The following PDZRN4 variants were observed in gnomAD, a reference collection of about 807,000 sequenced individuals.
PDZRN4 encodes PDZ domain containing ring finger 4.
Under a neutral mutation model 99.0 loss-of-function variants are expected in PDZRN4, and 70 were observed. The ratio of observed to expected loss-of-function variants is 0.71; its 90% confidence interval spans 0.58 to 0.86. The LOEUF is 0.86. Among genes scored for constraint, PDZRN4 ranks in the 40% least tolerant of loss-of-function variants. The pLI is 0.00. For missense variants in PDZRN4, 1,474 were observed against 1,331.2 expected, an observed-to-expected ratio of 1.11 and a Z score of -1.67; for synonymous variants, 551 against 501.6, an observed-to-expected ratio of 1.10 and a Z score of -1.32.
At chr12:41,339,705 T>G (rs1951802357) in intron 3 of PDZRN4, among the ~76,000 whole-genome samples, 1 of 151,966 alleles carries the variant, frequency 6.6e-6, no homozygotes, top group South Asian at 2.1e-4. Context: ...GAATATGTAA[T>G]GCACTCAAAC....
Position 41,411,067 on chromosome 12 carries a change from A to ATATAT in PDZRN4, c.844-95388_844-95387insATATT, listed in dbSNP as rs34064559. Among the ~76,000 whole-genome samples the ATATAT allele has an allele frequency of 2.8e-5, 4 of 140,434 alleles. No individual in the cohort carries two copies. In the East Asian group the frequency reaches 6.3e-4, roughly 22 times the overall value. The allele number at this position is 140,434 out of a possible 152,430, so 92.1% of individuals were successfully genotyped here. On this transcript the variant is annotated intron_variant, in intron 3 of 9. Coordinates refer to ENST00000402685, the MANE Select transcript of PDZRN4 (RefSeq NM_001164595.2). Reference sequence around the variant, plus strand: ...CTTTAAAATATATATATATATATATATTTTTTTTTTATTTGTAAAGATAGT... The same window carrying ATATAT: ...CTTTAAAATATATATATATATATATATATATTTTTTTTTTTATTTGTAAAGATAGT...
chr12:41,513,203 C>T lies in PDZRN4; in HGVS notation c.1203+3290C>T, dbSNP rs17129426. Among the ~76,000 whole-genome samples, 1,077 of 152,128 alleles carry T rather than the reference C, an allele frequency of 7.1e-3. 14 individuals carry two copies. Among genetic ancestry groups the T allele is most frequent in the African/African-American group, 0.024 (1,002 of 41,522 alleles). ...ATATTATTTCACTGATGGACTGTAA[C>T]AGGTCCCTTCAGAGCCACGGCAGAC... On this transcript the variant is annotated intron_variant, in intron 5 of 9. Transcript: ENST00000402685.
At chr12:41,253,319 T>C (rs922158533) in intron 3 of PDZRN4, among the ~76,000 whole-genome samples, 4 of 152,202 alleles carry the variant, frequency 2.6e-5, no homozygotes, top group African/African-American at 9.7e-5. Flanking sequence ...GAATTAATCT[T>C]TAACCCATTT....
intron 3 of PDZRN4, among the ~76,000 whole-genome samples, chr12:41,276,792 C>A (rs1201887606): frequency 6.6e-6 from 1 of 152,102 alleles, no homozygotes; most frequent in African/African-American, 2.4e-5. Context: ...AAGCAAAGTG[C>A]CAGGCAGGAA....
At chr12:41,197,925 T>G (rs1254639143) in intron 3 of PDZRN4, among the ~76,000 whole-genome samples, 1 of 135,042 alleles carries the variant, frequency 7.4e-6, no homozygotes, top group Non-Finnish European at 1.6e-5. Context: ...TCTGGGTTTT[T>G]TTTTTTGGAG....
At position 41,477,987 on chromosome 12, in the gene PDZRN4, C is replaced by T; in HGVS notation, c.844-28469C>T. The T allele has an allele frequency of 3.0e-6, 3 of 986,472 alleles. No homozygotes were observed. In the South Asian group the frequency reaches 4.1e-5, roughly 14 times the overall value. The allele number at this position is 986,472 out of a possible 1,614,324, so 61.1% of individuals were successfully genotyped here. Reference sequence around the variant, plus strand: ...GCTTATCAGTGAGCGAATTAATCTACATGATATAGATAAGAGGACAAATGT... The same window carrying T: ...GCTTATCAGTGAGCGAATTAATCTATATGATATAGATAAGAGGACAAATGT... On this transcript the variant is annotated intron_variant, in intron 3 of 9. Coordinates refer to ENST00000402685, the MANE Select transcript of PDZRN4 (RefSeq NM_001164595.2).
intron 5 of PDZRN4, among the ~76,000 whole-genome samples, chr12:41,535,242 G>A (rs2120750774): frequency 6.6e-6 from 1 of 152,218 alleles, no homozygotes; most frequent in South Asian, 2.1e-4. Flanking sequence ...ATGATGCGTT[G>A]TTTCTTTGTG....
At position 41,573,373 on chromosome 12, in the gene PDZRN4, A is replaced by T. The variant is rs759016632; in HGVS notation, c.2594A>T (p.Tyr865Phe). The change falls in exon 10 of 10, where the codon TAT (tyrosine) becomes TTT (phenylalanine). Residue 865 changes from tyrosine to phenylalanine, a missense_variant. Transcript: ENST00000402685. Reference sequence around the variant, plus strand: ...ATTCAACAGAAATCTGCAGTCGAGTATGCTCAGAGTCAGCTCAGCTTGGTG... The same window carrying T: ...ATTCAACAGAAATCTGCAGTCGAGTTTGCTCAGAGTCAGCTCAGCTTGGTG... ...QLIQQKSAVEYAQSQLSLVSM... is the reference protein window; with the variant it reads ...QLIQQKSAVEFAQSQLSLVSM... 3.1e-6 allele frequency: 5 copies of T among 1,613,476 alleles called. No homozygotes were observed. The Admixed American group carries it at 8.3e-5, about 27-fold the overall frequency.
At chr12:41,414,352 T>C (rs965386237) in intron 3 of PDZRN4, among the ~76,000 whole-genome samples, 1 of 152,200 alleles carries the variant, frequency 6.6e-6, no homozygotes, top group Non-Finnish European at 1.5e-5. Flanking sequence ...TCTGGATGTC[T>C]ACTTCTCTAG....
At chr12:41,460,428 TTATAAAC>T (rs1952860615) in intron 3 of PDZRN4, among the ~76,000 whole-genome samples, 1 of 152,184 alleles carries the variant, frequency 6.6e-6, no homozygotes. Context: ...TGTGTTCAAC[TTATAAAC>T]TGAGTCTGGA....
chr12:41,352,495 G>A (rs1222154623), intron 3 of PDZRN4, among the ~76,000 whole-genome samples: 1 of 152,032 alleles, frequency 6.6e-6, no homozygotes, highest in Non-Finnish European at 1.5e-5. Flanking sequence ...TGAACTTATT[G>A]TTGTCAATTC....
At chr12:41,297,840 T>C (rs534882722) in intron 3 of PDZRN4, among the ~76,000 whole-genome samples, 45 of 152,194 alleles carry the variant, frequency 3.0e-4, no homozygotes, top group African/African-American at 1.0e-3. Flanking sequence ...ACTATTAGGC[T>C]AAAAAAGAAA....
chr12:41,546,072 T>C (rs923883597), intron 5 of PDZRN4, among the ~76,000 whole-genome samples: 1 of 152,104 alleles, frequency 6.6e-6, no homozygotes, highest in African/African-American at 2.4e-5. Context: ...GCAAGGAAAG[T>C]AGAGTATAAT....
At chr12:41,298,662 T>C (rs1215689683) in intron 3 of PDZRN4, among the ~76,000 whole-genome samples, 1 of 152,174 alleles carries the variant, frequency 6.6e-6, no homozygotes, top group Non-Finnish European at 1.5e-5. Context: ...GCCTATTTGC[T>C]GAAGCTTATT....
At chr12:41,386,307 T>C (rs542743114) in intron 3 of PDZRN4, among the ~76,000 whole-genome samples, 100 of 152,340 alleles carry the variant, frequency 6.6e-4, no homozygotes, top group Admixed American at 2.9e-3. Flanking sequence ...CTGGAAGTCC[T>C]GGCTAGGGCA....
chr12:41,293,558 T>C (rs2120914278), intron 3 of PDZRN4, among the ~76,000 whole-genome samples: 1 of 152,146 alleles, frequency 6.6e-6, no homozygotes, highest in Middle Eastern at 3.4e-3. Context: ...CTTAGAATCT[T>C]TAACTGTTCT....
intron 5 of PDZRN4, among the ~76,000 whole-genome samples, chr12:41,526,617 A>G (rs1938571653): frequency 2.0e-5 from 3 of 152,188 alleles, no homozygotes; most frequent in Admixed American, 6.5e-5. Context: ...AATATTTATA[A>G]AATACTTGTT....
chr12:41,301,572 T>A (rs1183730943), intron 3 of PDZRN4, among the ~76,000 whole-genome samples: 1 of 152,050 alleles, frequency 6.6e-6, no homozygotes, highest in Non-Finnish European at 1.5e-5. Flanking sequence ...GTTTTTAATA[T>A]CTCACTAAAT....
intron 3 of PDZRN4, among the ~76,000 whole-genome samples, chr12:41,447,911 A>G (rs1952743137): frequency 6.6e-6 from 1 of 152,146 alleles, no homozygotes. Context: ...GGAAGAAGGA[A>G]TGGAGGAGAG....
Sources: gnomAD v4.1 joint callset for allele counts (sites outside exome capture counted in the v4.1 genomes callset) on GRCh38, gnomAD v4.1.1 for gene constraint, MANE v1.5 for transcripts, NCBI Gene and HGNC (gene_info 2026-07-23, HGNC 2026-07-21) for gene names.